The following ATF7IP2 variants were observed in gnomAD, a reference collection of about 807,000 sequenced individuals.
ATF7IP2 encodes the protein activating transcription factor 7-interacting protein 2.
In ATF7IP2, 42 loss-of-function variants were observed where a neutral mutation model predicts 64.2. The observed-to-expected ratio is 0.65, with a 90% confidence interval of 0.51 to 0.85. ATF7IP2 has a LOEUF of 0.85. Ranked by LOEUF, ATF7IP2 falls within the 40% of genes least tolerant of loss-of-function variation. The probability of loss-of-function intolerance (pLI) is 0.00; values close to 1 mark genes in which losing one functional copy is unlikely to be tolerated. For missense variants in ATF7IP2, 933 were observed against 784.2 expected (o/e 1.19, Z -2.27); for synonymous variants, 308 against 272.8 (o/e 1.13, Z -1.27).
In ATF7IP2 at chr16:10,422,087, C is replaced by T. The variant is rs193072576; in HGVS notation, c.-160+2464C>T. ...CATTTACCTGATTTTGTCTTAATTA[C>T]GAAAACTGGAGAATTCCAAGGGGAA... On this transcript the variant is annotated intron_variant, in intron 3 of 13. Transcript: ENST00000562102. Among the ~76,000 whole-genome samples the T allele has an allele frequency of 2.5e-4, 38 of 152,278 alleles. No individual in the cohort carries two copies. The East Asian group carries it at 4.6e-3, about 19-fold the overall frequency.
At chr16:10,389,071 G>GT (rs1217861939) in intron 1 of ATF7IP2, among the ~76,000 whole-genome samples, 4 of 152,078 alleles carry the variant, frequency 2.6e-5, no homozygotes, top group Admixed American at 1.3e-4. Context: ...TCTCGGGGCT[G>GT]TTTTTTTGAG....
At chr16:10,426,849 T>C (rs1036590637) in intron 3 of ATF7IP2, among the ~76,000 whole-genome samples, 2 of 152,122 alleles carry the variant, frequency 1.3e-5, no homozygotes, top group African/African-American at 4.8e-5. Context: ...TTTTTGGTTT[T>C]TTTTTGTTGT....
chr16:10,470,519 T>C (rs1475883102), intron 9 of ATF7IP2, among the ~76,000 whole-genome samples: 1 of 152,120 alleles, frequency 6.6e-6, no homozygotes. Context: ...CATGATGGCT[T>C]ACACTTATAA....
rs570992326 is a variant in ATF7IP2, at chr16:10,443,970, C to G, written c.1194+3508C>G. Among the ~76,000 whole-genome samples the G allele has an allele frequency of 4.6e-5, 7 of 152,214 alleles. No homozygotes were observed. In the South Asian group the frequency reaches 8.3e-4, roughly 18 times the overall value. On this transcript the variant is annotated intron_variant, in intron 8 of 13. Transcript: ENST00000562102. Reference sequence around the variant, plus strand: ...TTGGTACTGAGTGGTCCAATAAACACGTTCCCAAGAGCTACAGGGTTTCAA... The same window carrying G: ...TTGGTACTGAGTGGTCCAATAAACAGGTTCCCAAGAGCTACAGGGTTTCAA...
At chr16:10,439,954 G>T (rs1048996910) in intron 7 of ATF7IP2, among the ~76,000 whole-genome samples, 4 of 151,542 alleles carry the variant, frequency 2.6e-5, no homozygotes, top group Non-Finnish European at 5.9e-5. Flanking sequence ...CTGGGGTCAG[G>T]AGTTCAAACC....
At chr16:10,416,860 G>A (rs565885588) in intron 2 of ATF7IP2, among the ~76,000 whole-genome samples, 60 of 152,270 alleles carry the variant, frequency 3.9e-4, no homozygotes, top group Middle Eastern at 6.8e-3. Flanking sequence ...ACAACTGGGT[G>A]ACTATAGTCA....
At chr16:10,441,350 C>G (rs1372521802) in intron 8 of ATF7IP2, among the ~76,000 whole-genome samples, 1 of 152,186 alleles carries the variant, frequency 6.6e-6, no homozygotes, top group Non-Finnish European at 1.5e-5. Flanking sequence ...AATGGTTGAA[C>G]TAATTTACAC....
rs368449832 is a variant in ATF7IP2, at chr16:10,438,720, A to G, written c.1095+485A>G. On this transcript the variant is annotated intron_variant, in intron 7 of 13. Coordinates refer to ENST00000562102, the MANE Select transcript of ATF7IP2 (RefSeq NM_001393719.1). ...CAATATCGGCTTTTGAGAAATACTC[A>G]GAACTGTTAGGCATTCTGTGTCAAT... 7.2e-5 allele frequency among the ~76,000 whole-genome samples: 11 copies of G among 152,346 alleles called. No homozygotes were observed. In the South Asian group the frequency reaches 2.1e-3, roughly 29 times the overall value.
At chr16:10,452,558 C>G (rs1249019050) in intron 8 of ATF7IP2, among the ~76,000 whole-genome samples, 1 of 152,178 alleles carries the variant, frequency 6.6e-6, no homozygotes, top group Non-Finnish European at 1.5e-5. Flanking sequence ...TGGGAGGTGT[C>G]TCCCAGTCAG....
chr16:10,433,253 G>C (rs1033080052), intron 5 of ATF7IP2, among the ~76,000 whole-genome samples: 1 of 151,994 alleles, frequency 6.6e-6, no homozygotes, highest in Non-Finnish European at 1.5e-5. Flanking sequence ...GGTGCTCACT[G>C]CCACCTCAAC....
In ATF7IP2 at chr16:10,448,285, G is replaced by A. The variant is rs571525301; in HGVS notation, c.1194+7823G>A. ...TTTTTGGTTCCATATGAAATTTTAA[G>A]TATTTTTTTCCAATTCTGTGAAGAA... On this transcript the variant is annotated intron_variant, in intron 8 of 13. Coordinates refer to ENST00000562102, the MANE Select transcript of ATF7IP2 (RefSeq NM_001393719.1). 4.6e-5 allele frequency: 7 copies of A among 152,290 alleles called. No homozygotes were observed. In the East Asian group the frequency reaches 1.3e-3, roughly 29 times the overall value. 9.4% of individuals were successfully genotyped at this position (152,290 alleles called of 1,614,324 possible).
chr16:10,467,932 T>C (rs1471257913), intron 9 of ATF7IP2, among the ~76,000 whole-genome samples: 16 of 145,058 alleles, frequency 1.1e-4, no homozygotes, highest in Non-Finnish European at 2.2e-4. Flanking sequence ...CAGGCTAGAG[T>C]GCAATGTCAT....
At chr16:10,479,533 G>A (rs2050138612) in intron 12 of ATF7IP2, among the ~76,000 whole-genome samples, 2 of 151,990 alleles carry the variant, frequency 1.3e-5, no homozygotes, top group Admixed American at 1.3e-4. Context: ...GATAGCATTA[G>A]GAGATATACC....
At position 10,443,581 on chromosome 16, in the gene ATF7IP2, A is replaced by G. The variant is rs562918103; in HGVS notation, c.1194+3119A>G. Among the ~76,000 whole-genome samples the G allele has an allele frequency of 1.9e-4, 29 of 152,348 alleles. 2 individuals are homozygous for G. The South Asian group carries it at 5.2e-3, about 27-fold the overall frequency. On this transcript the variant is annotated intron_variant, in intron 8 of 13. Coordinates refer to ENST00000562102, the MANE Select transcript of ATF7IP2 (RefSeq NM_001393719.1). ...ATTTGCTTCTTGGTATCCAGTCTCA[A>G]TTGCTAAAGTCTGTTTTAAATCTTT...
chr16:10,434,855 T>C (rs2048366829), intron 6 of ATF7IP2, among the ~76,000 whole-genome samples: 1 of 152,226 alleles, frequency 6.6e-6, no homozygotes, highest in Non-Finnish European at 1.5e-5. Context: ...TGGAGTGCAG[T>C]GGCACAGTCT....
chr16:10,434,688 A>G (rs1021773647), intron 6 of ATF7IP2, among the ~76,000 whole-genome samples: 1 of 152,196 alleles, frequency 6.6e-6, no homozygotes, highest in Admixed American at 6.5e-5. Context: ...GGGTAGAAGT[A>G]TGGTAAGCAT....
At chr16:10,439,533 C>CTTT (rs760337763) in intron 7 of ATF7IP2, among the ~76,000 whole-genome samples, 2 of 102,968 alleles carry the variant, frequency 1.9e-5, no homozygotes, top group Non-Finnish European at 1.9e-5. Context: ...CGCCCCCAGC[C>CTTT]TTTTTTTTTT....
intron 6 of ATF7IP2, among the ~76,000 whole-genome samples, chr16:10,436,809 A>G (rs2048434489): frequency 6.6e-6 from 1 of 152,182 alleles, no homozygotes; most frequent in African/African-American, 2.4e-5. Context: ...GAAAAACTAC[A>G]GTGAATGTTT....
At chr16:10,466,793 T>G (rs1262344278) in intron 9 of ATF7IP2, among the ~76,000 whole-genome samples, 1 of 152,212 alleles carries the variant, frequency 6.6e-6, no homozygotes, top group African/African-American at 2.4e-5. Flanking sequence ...CAGTGTAGTT[T>G]TTTTCATAGA....
Sources: gnomAD v4.1 joint callset for allele counts (sites outside exome capture counted in the v4.1 genomes callset) on GRCh38, gnomAD v4.1.1 for gene constraint, MANE v1.5 for transcripts, NCBI Gene and HGNC (gene_info 2026-07-23, HGNC 2026-07-21) for gene names.